The following NTN1 variants were observed in gnomAD, a reference collection of about 807,000 sequenced individuals.
NTN1 encodes netrin-1.
A neutral mutation model predicts 54.2 loss-of-function variants in NTN1; 11 were observed. That is an observed-to-expected ratio of 0.20 (90% CI 0.13 to 0.34). The LOEUF (loss-of-function observed/expected upper bound fraction) is 0.34, where lower values mean the gene tolerates loss of function less well. Among genes scored for constraint, NTN1 ranks in the 10% least tolerant of loss-of-function variants. NTN1 has a pLI of 1.00. For synonymous variants in NTN1, 371 were observed against 382.0 expected (o/e 0.97, Z 0.33); for missense variants, 740 against 893.1 (o/e 0.83, Z 2.18).
chr17:9,114,679 G>A (rs922930394), intron 2 of NTN1, among the ~76,000 whole-genome samples: 3 of 152,160 alleles, frequency 2.0e-5, no homozygotes, highest in African/African-American at 4.8e-5. Flanking sequence ...GCTTGAACCC[G>A]GGAAGAGGAG....
chr17:9,132,593 G>T lies in NTN1; in HGVS notation c.1019-30220G>T, dbSNP rs146417617. Among the ~76,000 whole-genome samples, 167 of 152,088 alleles carry T rather than the reference G, an allele frequency of 1.1e-3. 1 individual carries two copies. Among genetic ancestry groups the T allele is most frequent in the Non-Finnish European group, 5.6e-4 (38 of 67,978 alleles). On this transcript the variant is annotated intron_variant, in intron 2 of 6. Transcript: ENST00000173229. ...CAGCAAGGAAAAGAATGACACGTCC[G>T]GCCAGGCGCAGTGGCTCACGCCTGT...
chr17:9,065,259 A>G (rs1028173182), intron 2 of NTN1, among the ~76,000 whole-genome samples: 1 of 152,152 alleles, frequency 6.6e-6, no homozygotes, highest in African/African-American at 2.4e-5. Context: ...GTTAAAAAGC[A>G]ATACCCTTGC....
At chr17:9,013,320 G>C in the NTN1 span, among the ~76,000 whole-genome samples, 399 of 149,156 alleles carry the variant, frequency 2.7e-3, 2 homozygotes, top group African/African-American at 9.4e-3. Flanking sequence ...AGGTTCAAGC[G>C]ATTCTCCTGC....
At chr17:9,089,218 G>T (rs2092100352) in intron 2 of NTN1, among the ~76,000 whole-genome samples, 1 of 152,148 alleles carries the variant, frequency 6.6e-6, no homozygotes, top group African/African-American at 2.4e-5. Context: ...TTCGAGACCA[G>T]ACTGACCACC....
At chr17:9,193,938 A>AAAAAAC (rs1555575003) in intron 5 of NTN1, among the ~76,000 whole-genome samples, 7,867 of 108,518 alleles carry the variant, frequency 0.072, 686 homozygotes, top group African/African-American at 0.17. Context: ...AAAAAAAAAA[A>AAAAAAC]AAAAAACATT....
rs1306500773 is a variant in NTN1, at chr17:9,162,854, A to G, written c.1060A>G (p.Met354Val). The G allele has an allele frequency of 6.2e-7, 1 of 1,613,884 alleles. No homozygotes were observed. Among genetic ancestry groups the G allele is most frequent in the East Asian group, 2.2e-5 (1 of 44,864 alleles). Residue 354 changes from methionine (M) to valine (V), a missense_variant, in exon 3 of 7, where the codon ATG becomes GTG. By Grantham distance (21) the Met-to-Val change is conservative (BLOSUM62 1). Transcript: ENST00000173229. ...GCATGCCCGGCGCTGCCGCTTCAACATGGAGCTCTACAAGCTTTCGGGGCG... is the reference window on the plus strand; with the variant it reads ...GCATGCCCGGCGCTGCCGCTTCAACGTGGAGCTCTACAAGCTTTCGGGGCG... ...NLHARRCRFNMELYKLSGRKS... is the reference protein window; with the variant it reads ...NLHARRCRFNVELYKLSGRKS...
At chr17:9,019,235 T>A (rs2091838300), upstream of NTN1, among the ~76,000 whole-genome samples, 2 of 152,266 alleles carry the variant, frequency 1.3e-5, no homozygotes, top group Admixed American at 6.5e-5. Flanking sequence ...CAAGCAAAGA[T>A]AAATAAAAAT....
At chr17:9,145,854 G>T (rs2092311676) in intron 2 of NTN1, among the ~76,000 whole-genome samples, 1 of 148,150 alleles carries the variant, frequency 6.7e-6, no homozygotes. Flanking sequence ...GGAGGCAGGG[G>T]TTGCAGTGAG....
intron 2 of NTN1, among the ~76,000 whole-genome samples, chr17:9,162,207 G>A (rs2142298368): frequency 6.6e-6 from 1 of 152,312 alleles, no homozygotes; most frequent in East Asian, 1.9e-4. Flanking sequence ...GAGGGGGAGG[G>A]GGAGAAGGGG....
chr17:9,155,038 C>T (rs1027601252), intron 2 of NTN1, among the ~76,000 whole-genome samples: 3 of 152,200 alleles, frequency 2.0e-5, no homozygotes, highest in Middle Eastern at 3.2e-3. Context: ...GTTGGGGCAG[C>T]GCTGGCAGAA....
At chr17:9,158,582 C>T (rs1412767242) in intron 2 of NTN1, among the ~76,000 whole-genome samples, 2 of 152,140 alleles carry the variant, frequency 1.3e-5, no homozygotes, top group African/African-American at 4.8e-5. Context: ...GGGTCTTTTC[C>T]TCTGAGCCAG....
Position 9,241,468 on chromosome 17 carries a change from G to A in NTN1, c.*1500G>A, listed in dbSNP as rs1906211399. On this transcript the variant is annotated 3_prime_UTR_variant, in exon 7 of 7. Coordinates refer to ENST00000173229, the MANE Select transcript of NTN1 (RefSeq NM_004822.3). ...GCCTCCTGGCTCCCTGCCTTCCTGG[G>A]CTCTCTGCACTGCCCGGGCCTCTGG... is the stretch of plus-strand genomic sequence containing the variant. 1 of 153,402 alleles carries A rather than the reference G, an allele frequency of 6.5e-6. No homozygotes were observed. Among genetic ancestry groups the A allele is most frequent in the Non-Finnish European group, 1.5e-5 (1 of 68,814 alleles). The allele number at this position is 153,402 out of a possible 1,614,324, so 9.5% of individuals were successfully genotyped here. A position where few individuals can be genotyped will look rare whatever the true frequency, so the allele number is the denominator to read the frequency against.
At chr17:9,132,092 G>C (rs1256391883) in intron 2 of NTN1, among the ~76,000 whole-genome samples, 1 of 151,888 alleles carries the variant, frequency 6.6e-6, no homozygotes, top group Non-Finnish European at 1.5e-5. Context: ...TGTCCGCGCA[G>C]GAGTTAGACC....
intron 6 of NTN1, among the ~76,000 whole-genome samples, chr17:9,229,492 C>T (rs3785995): frequency 0.48 from 73,116 of 151,736 alleles, 17,602 homozygotes; most frequent in East Asian, 0.62. Context: ...ACGGCTGAGA[C>T]CTTGCTTCTC....
At chr17:9,188,677 C>G (rs895329858) in intron 5 of NTN1, among the ~76,000 whole-genome samples, 1 of 152,110 alleles carries the variant, frequency 6.6e-6, no homozygotes, top group Non-Finnish European at 1.5e-5. Context: ...TCTTCCAGCC[C>G]TTTAGCTGTG....
chr17:9,125,981 G>C (rs1458103075), intron 2 of NTN1, among the ~76,000 whole-genome samples: 1 of 152,228 alleles, frequency 6.6e-6, no homozygotes, highest in African/African-American at 2.4e-5. Context: ...GGGAGCCTGA[G>C]GGACTTGTCA....
At chr17:9,100,174 GTGTATA>G (rs559706444) in intron 2 of NTN1, among the ~76,000 whole-genome samples, 89 of 105,062 alleles carry the variant, frequency 8.5e-4, no homozygotes, top group East Asian at 6.7e-3. Flanking sequence ...TATATGCTAT[GTGTATA>G]TGTGTGTATA....
chr17:9,231,644 C>T (rs1002116600), intron 6 of NTN1, among the ~76,000 whole-genome samples: 3 of 152,184 alleles, frequency 2.0e-5, no homozygotes, highest in African/African-American at 7.2e-5. Context: ...AAGGGGCTCG[C>T]TGGAGGTGGC....
intron 2 of NTN1, among the ~76,000 whole-genome samples, chr17:9,156,906 ATCCATCCATCCATCCATGCATGCG>A (rs1319894341): frequency 4.6e-5 from 7 of 151,646 alleles, no homozygotes; most frequent in East Asian, 1.9e-4. Context: ...CTACCTATCC[ATCCATCCATCCATCCATGCATGCG>A]TCCATCCATC....
Sources: gnomAD v4.1 joint callset for allele counts (sites outside exome capture counted in the v4.1 genomes callset) on GRCh38, gnomAD v4.1.1 for gene constraint, MANE v1.5 for transcripts, NCBI Gene and HGNC (gene_info 2026-07-23, HGNC 2026-07-21) for gene names.